Variants in SORCS1 observed in about 807,000 individuals in gnomAD.
SORCS1 encodes VPS10 domain-containing receptor SorCS1.
SORCS1 carries 60 observed loss-of-function variants against 146.1 expected under a neutral mutation model. The ratio of observed to expected loss-of-function variants is 0.41; its 90% CI spans 0.33 to 0.51. The LOEUF is 0.51. Ranked by LOEUF, SORCS1 falls within the 20% of genes least tolerant of loss-of-function variation. SORCS1 has a pLI of 0.21. For synonymous variants in SORCS1, 637 were observed against 584.0 expected, an observed-to-expected ratio of 1.09 and a Z score of -1.31; for missense variants, 1,352 against 1,487.6, an observed-to-expected ratio of 0.91 and a Z score of 1.50.
At chr10:107,143,711 G>A (rs558230310) in intron 1 of SORCS1, among the ~76,000 whole-genome samples, 40 of 152,144 alleles carry the variant, frequency 2.6e-4, no homozygotes, top group Admixed American at 4.6e-4. Context: ...TCAGCATGTT[G>A]ATCAGGCTAG....
At chr10:107,057,717 G>C (rs965630897) in intron 1 of SORCS1, among the ~76,000 whole-genome samples, 1 of 152,120 alleles carries the variant, frequency 6.6e-6, no homozygotes, top group African/African-American at 2.4e-5. Flanking sequence ...GCTGTTGATG[G>C]AAAAAGAACA....
chr10:107,043,650 G>A (rs908883127), intron 1 of SORCS1, among the ~76,000 whole-genome samples: 2 of 151,908 alleles, frequency 1.3e-5, no homozygotes, highest in Non-Finnish European at 2.9e-5. Context: ...GGTCATCATG[G>A]CCCCCAAGCC....
At chr10:106,646,553 G>T (rs1271705439) in intron 18 of SORCS1, among the ~76,000 whole-genome samples, 1 of 151,974 alleles carries the variant, frequency 6.6e-6, no homozygotes, top group East Asian at 1.9e-4. Flanking sequence ...AAAATTAGCT[G>T]GGTGTGGTGG....
intron 1 of SORCS1, among the ~76,000 whole-genome samples, chr10:107,155,664 G>A (rs924656203): frequency 5.9e-5 from 9 of 152,006 alleles, no homozygotes; most frequent in Non-Finnish European, 1.0e-4. Context: ...AAGATCTTTC[G>A]CTTTTAATCT....
At chr10:107,133,015 C>T (rs1481682023) in intron 1 of SORCS1, among the ~76,000 whole-genome samples, 3 of 152,176 alleles carry the variant, frequency 2.0e-5, no homozygotes, top group Admixed American at 6.5e-5. Context: ...TCCTTACACC[C>T]GCTGAAGGTT....
At chr10:107,084,850 G>A (rs1028925537) in intron 1 of SORCS1, among the ~76,000 whole-genome samples, 1 of 152,078 alleles carries the variant, frequency 6.6e-6, no homozygotes, top group Admixed American at 6.6e-5. Context: ...AAAATTATTT[G>A]AGGCTCTAAT....
At chr10:106,910,436 T>C (rs1952097947) in intron 2 of SORCS1, among the ~76,000 whole-genome samples, 1 of 152,056 alleles carries the variant, frequency 6.6e-6, no homozygotes, top group African/African-American at 2.4e-5. Context: ...GAGGAAAAGG[T>C]GCTCATCTGG....
upstream of SORCS1, among the ~76,000 whole-genome samples, chr10:107,167,488 C>T (rs1319685095): frequency 1.3e-5 from 2 of 152,100 alleles, no homozygotes; most frequent in African/African-American, 4.8e-5. Flanking sequence ...AAATATGCCA[C>T]GACTTCATCT....
At chr10:107,139,753 C>T (rs781724254) in intron 1 of SORCS1, among the ~76,000 whole-genome samples, 5 of 152,256 alleles carry the variant, frequency 3.3e-5, no homozygotes, top group Non-Finnish European at 7.4e-5. Flanking sequence ...CAGTCCTTTC[C>T]GAAAAACCTG....
At chr10:107,109,467 G>A (rs1034829010) in intron 1 of SORCS1, among the ~76,000 whole-genome samples, 1 of 152,180 alleles carries the variant, frequency 6.6e-6, no homozygotes, top group Non-Finnish European at 1.5e-5. Flanking sequence ...TATATCTGGG[G>A]CCCTCTGAGC....
intron 4 of SORCS1, 79 bp from the exon 5 acceptor site, chr10:106,761,740 GTAATAA>G: frequency 4.2e-6 from 5 of 1,183,552 alleles, no homozygotes; most frequent in Non-Finnish European, 5.0e-6. Context: ...TGGATCAATA[GTAATAA>G]TAATAATACC....
intron 24 of SORCS1, among the ~76,000 whole-genome samples, chr10:106,589,535 T>G (rs1471512564): frequency 6.6e-6 from 1 of 152,142 alleles, no homozygotes; most frequent in Non-Finnish European, 1.5e-5. Flanking sequence ...TGATCTGCTA[T>G]GAGATGGTAA....
chr10:106,781,722 A>G (rs962324489), intron 3 of SORCS1, among the ~76,000 whole-genome samples: 1 of 152,208 alleles, frequency 6.6e-6, no homozygotes, highest in Non-Finnish European at 1.5e-5. Flanking sequence ...CCTATTCTCA[A>G]TGAGGGCTGA....
intron 1 of SORCS1, among the ~76,000 whole-genome samples, chr10:107,010,750 G>A (rs113028472): frequency 2.4e-4 from 36 of 152,290 alleles, no homozygotes; most frequent in African/African-American, 8.4e-4. Flanking sequence ...CCTTTTGTAA[G>A]ACCGAGTTCA....
At chr10:106,886,590 C>G (rs1259838147) in intron 2 of SORCS1, among the ~76,000 whole-genome samples, 1 of 152,144 alleles carries the variant, frequency 6.6e-6, no homozygotes. Context: ...TCAACCTTAC[C>G]AGGCTGGTCA....
At chr10:107,124,822 G>A (rs1966609627) in intron 1 of SORCS1, among the ~76,000 whole-genome samples, 1 of 152,104 alleles carries the variant, frequency 6.6e-6, no homozygotes, top group Non-Finnish European at 1.5e-5. Flanking sequence ...AACTCACAGA[G>A]CAGACAGCAT....
rs902447678 is a variant in SORCS1, at chr10:106,928,093, C to T, written c.626+28420G>A. ...CATGTGGAGCTGCCTGCCAGTCCCG[C>T]GCCGTGCACCCGCACTCCTCAGCCC... On this transcript the variant is annotated intron_variant, in intron 2 of 25. Coordinates refer to ENST00000263054, the MANE Select transcript of SORCS1 (RefSeq NM_052918.5). Among the ~76,000 whole-genome samples, 14 of 152,386 alleles carry T rather than the reference C, an allele frequency of 9.2e-5. No homozygotes were observed. The South Asian group carries it at 1.2e-3, about 14-fold the overall frequency.
At position 107,053,781 on chromosome 10, in the gene SORCS1, C is replaced by A. The variant is rs145920418; in HGVS notation, c.559-97201G>T. On this transcript the variant is annotated intron_variant, in intron 1 of 25. Coordinates refer to ENST00000263054, the MANE Select transcript of SORCS1 (RefSeq NM_052918.5). ...TGTGAAGATTTTGCTTTCTTTCCTT[C>A]ACTGCTAGGGGTTTCCAAGAGCTCC... 5.4e-3 allele frequency among the ~76,000 whole-genome samples: 823 copies of A among 152,280 alleles called. 4 individuals are homozygous for A. Among genetic ancestry groups the A allele is most frequent in the African/African-American group, 0.019 (782 of 41,554 alleles).
chr10:107,138,130 T>C (rs1967488300), intron 1 of SORCS1, among the ~76,000 whole-genome samples: 1 of 152,144 alleles, frequency 6.6e-6, no homozygotes, highest in Non-Finnish European at 1.5e-5. Context: ...TAGCACATAA[T>C]AGGTGGTCAA....
Sources: gnomAD v4.1 joint callset for allele counts (sites outside exome capture counted in the v4.1 genomes callset) on GRCh38, gnomAD v4.1.1 for gene constraint, MANE v1.5 for transcripts, NCBI Gene and HGNC (gene_info 2026-07-23, HGNC 2026-07-21) for gene names.